FGGY: variants seen among roughly 807,000 people sequenced by gnomAD.
The protein encoded by FGGY is FGGY carbohydrate kinase domain-containing protein.
In FGGY, 72 loss-of-function variants were observed where a neutral mutation model predicts 71.3. The ratio of observed to expected loss-of-function variants is 1.01; its 90% CI spans 0.84 to 1.23. The LOEUF (loss-of-function observed/expected upper bound fraction) is 1.23. Ranked by LOEUF, FGGY falls within the 50% of genes most tolerant of loss-of-function variation. The pLI is 0.00. For synonymous variants in FGGY, 251 were observed against 250.3 expected (o/e 1.00, Z -0.02); for missense variants, 668 against 682.3 (o/e 0.98, Z 0.23).
chr1:59,471,530 G>T (rs1166833180), intron 6 of FGGY, among the ~76,000 whole-genome samples: 1 of 152,052 alleles, frequency 6.6e-6, no homozygotes, highest in African/African-American at 2.4e-5. Flanking sequence ...ACAGAACCAG[G>T]TCTTCACAGT....
At chr1:59,459,754 T>C (rs1376485229) in intron 6 of FGGY, among the ~76,000 whole-genome samples, 1 of 152,242 alleles carries the variant, frequency 6.6e-6, no homozygotes, top group Non-Finnish European at 1.5e-5. Flanking sequence ...CCTGTTCTAA[T>C]TGATTATCCA....
intron 5 of FGGY, among the ~76,000 whole-genome samples, chr1:59,410,997 A>G (rs2063528145): frequency 6.6e-6 from 1 of 152,216 alleles, no homozygotes. Flanking sequence ...TAATCACTGT[A>G]TAACTATCAA....
chr1:59,656,165 C>T (rs2097216177), intron 11 of FGGY, among the ~76,000 whole-genome samples: 1 of 152,132 alleles, frequency 6.6e-6, no homozygotes, highest in East Asian at 1.9e-4. Flanking sequence ...TTGCAACTCT[C>T]ACATCGGGCT....
intron 5 of FGGY, among the ~76,000 whole-genome samples, chr1:59,443,890 C>A (rs995650191): frequency 2.0e-5 from 3 of 152,138 alleles, no homozygotes; most frequent in Non-Finnish European, 4.4e-5. Context: ...AAGCTGGCAC[C>A]AGGGCATGGG....
chr1:59,572,567 C>T (rs2096005091), intron 8 of FGGY, among the ~76,000 whole-genome samples: 1 of 152,026 alleles, frequency 6.6e-6, no homozygotes, highest in Admixed American at 6.6e-5. Flanking sequence ...TGGCAAGAGA[C>T]CTGAGTGGTA....
chr1:59,321,616 C>G lies in FGGY; in HGVS notation c.67C>G (p.Arg23Gly). The G allele has an allele frequency of 6.2e-7, 1 of 1,613,862 alleles. No individual in the cohort carries two copies. Among genetic ancestry groups the G allele is most frequent in the Non-Finnish European group, 8.5e-7 (1 of 1,179,836 alleles). ...TGTGGACGTTGGAACAGGCAGTGTC[C>G]GTGCAGCTCTGGTGGACCAGAGTGG... The part of the protein sequence containing the change: ...VGVDVGTGSV[R>G]AALVDQSGVL... Residue 23 changes from arginine (R) to glycine (G), a missense_variant, in exon 2 of 16, where the codon CGT becomes GGT. By Grantham distance (125) the Arg-to-Gly change is moderately radical. Transcript: ENST00000303721.
chr1:59,373,546 G>GA lies in FGGY; in HGVS notation c.466-5197dup, dbSNP rs939205771. ...ACCAATGACTTTCTTCACAGAATTG[G>GA]AAAAAACTACTTTAAAGTTCATATG... On this transcript the variant is annotated intron_variant, in intron 4 of 15. Coordinates refer to ENST00000303721, the MANE Select transcript of FGGY (RefSeq NM_018291.5). Among the ~76,000 whole-genome samples the GA allele has an allele frequency of 1.8e-4, 28 of 152,088 alleles. No homozygotes were observed. The East Asian group carries it at 5.2e-3, about 28-fold the overall frequency.
chr1:59,511,520 C>A (rs1474675888), intron 6 of FGGY, among the ~76,000 whole-genome samples: 1 of 152,140 alleles, frequency 6.6e-6, no homozygotes, highest in Non-Finnish European at 1.5e-5. Context: ...TTCTGTCTTA[C>A]GTGGTTCTCT....
chr1:59,543,740 T>G (rs2095480831), intron 7 of FGGY, among the ~76,000 whole-genome samples: 1 of 152,178 alleles, frequency 6.6e-6, no homozygotes, highest in Admixed American at 6.5e-5. Context: ...CTAAAGAACC[T>G]GTCCTGTCAC....
intron 8 of FGGY, among the ~76,000 whole-genome samples, chr1:59,591,691 G>T (rs139530751): frequency 4.6e-5 from 7 of 152,118 alleles, no homozygotes; most frequent in African/African-American, 1.7e-4. Flanking sequence ...AATGGGGAAA[G>T]GATTCCCTAT....
intron 2 of FGGY, among the ~76,000 whole-genome samples, chr1:59,328,019 A>G (rs994106764): frequency 1.3e-5 from 2 of 152,238 alleles, no homozygotes; most frequent in African/African-American, 2.4e-5. Flanking sequence ...TAGATTTAGC[A>G]TAATTCTTAA....
At chr1:59,477,564 G>C (rs769176323) in intron 6 of FGGY, among the ~76,000 whole-genome samples, 1 of 152,150 alleles carries the variant, frequency 6.6e-6, no homozygotes, top group Non-Finnish European at 1.5e-5. Flanking sequence ...ATCTGTTCTT[G>C]TGGTGAGGAG....
rs572973236 is a variant in FGGY at position 59,748,977 on chromosome 1, C to T, written c.1513-8954C>T. Among the ~76,000 whole-genome samples the T allele has an allele frequency of 4.6e-5, 7 of 152,190 alleles. No individual in the cohort carries two copies. The South Asian group carries it at 6.2e-4, about 14-fold the overall frequency. On this transcript the variant is annotated intron_variant, in intron 14 of 15. Transcript: ENST00000303721. ...AGGGGCTAGAGATTGAGTCAATCAC[C>T]GATGGCCAATGATTTACTCAATTAT...
In FGGY at chr1:59,686,263, G is replaced by T. The variant is rs574890461; in HGVS notation, c.1512+12130G>T. 4.6e-5 allele frequency among the ~76,000 whole-genome samples: 7 copies of T among 152,246 alleles called. No homozygotes were observed. In the South Asian group the frequency reaches 1.5e-3, roughly 32 times the overall value. Reference sequence around the variant, plus strand: ...CTTGGCCAGCTTTGCAAACAAAGCTGTGTTACTGACCTAGGAGTGTCTCAT... The same window carrying T: ...CTTGGCCAGCTTTGCAAACAAAGCTTTGTTACTGACCTAGGAGTGTCTCAT... On this transcript the variant is annotated intron_variant, in intron 14 of 15. Transcript: ENST00000303721.
chr1:59,460,312 C>T (rs1045079069), intron 6 of FGGY, among the ~76,000 whole-genome samples: 1 of 152,158 alleles, frequency 6.6e-6, no homozygotes, highest in African/African-American at 2.4e-5. Flanking sequence ...GCACAGCAGT[C>T]CGAGATCGAA....
intron 1 of FGGY, among the ~76,000 whole-genome samples, chr1:59,314,672 G>A (rs1371964022): frequency 6.6e-6 from 1 of 152,162 alleles, no homozygotes; most frequent in Non-Finnish European, 1.5e-5. Flanking sequence ...ATTTTTTAGT[G>A]TTGTGGAGAA....
At chr1:59,549,851 G>A (rs1051600922) in intron 7 of FGGY, among the ~76,000 whole-genome samples, 10 of 152,298 alleles carry the variant, frequency 6.6e-5, no homozygotes, top group African/African-American at 2.4e-4. Context: ...TGGGAGAGAT[G>A]AAGGGAGACA....
intron 14 of FGGY, among the ~76,000 whole-genome samples, chr1:59,739,949 TC>T (rs1374730525): frequency 6.6e-6 from 1 of 152,160 alleles, no homozygotes; most frequent in East Asian, 1.9e-4. Flanking sequence ...AGTTGTTTAT[TC>T]CCCCAGCGCT....
intron 9 of FGGY, among the ~76,000 whole-genome samples, chr1:59,614,819 A>G (rs1160955660): frequency 1.3e-5 from 2 of 152,236 alleles, no homozygotes; most frequent in South Asian, 2.1e-4. Flanking sequence ...TACAAAATCA[A>G]TGTGCAAAAA....
Sources: allele counts gnomAD v4.1 joint callset (sites outside exome capture counted in the v4.1 genomes callset), GRCh38; gene constraint gnomAD v4.1.1; transcripts MANE v1.5; gene names NCBI Gene and HGNC (gene_info 2026-07-23, HGNC 2026-07-21).